The following PSIP1 variants were observed in gnomAD, a reference collection of about 807,000 sequenced individuals.
The protein encoded by PSIP1 is PC4 and SFRS1-interacting protein.
In PSIP1, 19 loss-of-function variants were observed where a neutral mutation model predicts 74.7. That is an observed-to-expected ratio of 0.25 (90% confidence interval 0.18 to 0.37). The LOEUF is 0.37. PSIP1 is among the 10% of genes least tolerant of loss of function. The pLI, the probability that PSIP1 is intolerant of heterozygous loss-of-function variation, is 1.00. For missense variants in PSIP1, 601 were observed against 614.3 expected (o/e 0.98, Z 0.23); for synonymous variants, 222 against 195.3 (o/e 1.14, Z -1.14).
At chr9:15,486,103 A>T in intron 5 of PSIP1, 35 bp from the exon 6 acceptor site, 3 of 1,495,798 alleles carry the variant, frequency 2.0e-6, no homozygotes, top group Non-Finnish European at 2.7e-6. Context: ...ATACTGAATA[A>T]ATTATTCCAG....
intron 14 of PSIP1, 108 bp downstream of exon 14, chr9:15,468,522 T>C (rs1050608165): frequency 1.6e-6 from 2 of 1,250,870 alleles, no homozygotes; most frequent in Non-Finnish European, 2.3e-6. Flanking sequence ...TTGTATACTT[T>C]TTCTGTGGCG....
chr9:15,489,879 T>C, intron 4 of PSIP1, 107 bp downstream of exon 4: 1 of 925,668 alleles, frequency 1.1e-6, no homozygotes, highest in Non-Finnish European at 1.5e-6. Flanking sequence ...CACAACAAAC[T>C]AGTATGAAAT....
At chr9:15,484,699 C>G (rs1300500782) in intron 6 of PSIP1, among the ~76,000 whole-genome samples, 2 of 151,606 alleles carry the variant, frequency 1.3e-5, no homozygotes, top group Non-Finnish European at 2.9e-5. Context: ...TGCACTTCAG[C>G]TGGGGCAACA....
chr9:15,498,584 A>G (rs966538458), intron 3 of PSIP1, among the ~76,000 whole-genome samples: 3 of 152,118 alleles, frequency 2.0e-5, no homozygotes, highest in Non-Finnish European at 4.4e-5. Context: ...GACGGACATC[A>G]CTATACTACT....
chr9:15,465,814 ACT>A lies in PSIP1; in HGVS notation c.1533-236_1533-235del, dbSNP rs1301152139. ...AGTAATATGCAGATGAAGCAAAATA[ACT>A]CAGCAAAGTGTCATGGACCAAGCCC... On this transcript the variant is annotated intron_variant, in intron 15 of 15. Transcript: ENST00000380733. 1.8e-5 allele frequency: 8 copies of A among 450,684 alleles called. No individual in the cohort carries two copies. The Middle Eastern group carries it at 1.7e-3, about 97-fold the overall frequency. The allele number at this position is 450,684 out of a possible 1,614,324, so 27.9% of individuals were successfully genotyped here. A position where few individuals can be genotyped will look rare whatever the true frequency, so the allele number is the denominator to read the frequency against.
chr9:15,469,393 A>T, intron 11 of PSIP1, 57 bp from the exon 12 acceptor site: 1 of 1,075,230 alleles, frequency 9.3e-7, no homozygotes, highest in Non-Finnish European at 1.4e-6. Context: ...CAGTATTTCT[A>T]TATACAGGCT....
At chr9:15,484,620 G>C (rs1288110085) in intron 6 of PSIP1, among the ~76,000 whole-genome samples, 1 of 152,012 alleles carries the variant, frequency 6.6e-6, no homozygotes, top group Admixed American at 6.5e-5. Context: ...CCAGCTAATC[G>C]GGGGGCTGAG....
chr9:15,497,964 C>T (rs1181503553), intron 3 of PSIP1, among the ~76,000 whole-genome samples: 6 of 152,092 alleles, frequency 3.9e-5, no homozygotes, highest in Non-Finnish European at 5.9e-5. Context: ...CTTTTTATGT[C>T]AACAATTACT....
chr9:15,472,537 G>A (rs772563637), intron 10 of PSIP1, 95 bp downstream of exon 10: 4 of 1,482,706 alleles, frequency 2.7e-6, no homozygotes, highest in Admixed American at 5.3e-5. Context: ...TCTTCAAAAG[G>A]CTTCATAAAG....
intron 8 of PSIP1, among the ~76,000 whole-genome samples, chr9:15,477,786 A>G (rs1563874461): frequency 6.6e-6 from 1 of 152,144 alleles, no homozygotes; most frequent in Non-Finnish European, 1.5e-5. Flanking sequence ...TTAAATTTAC[A>G]TACAAAAATT....
chr9:15,478,433 A>G (rs764942636), intron 8 of PSIP1, 44 bp downstream of exon 8: 2 of 1,382,622 alleles, frequency 1.4e-6, no homozygotes, highest in Admixed American at 1.7e-5. Flanking sequence ...TTTAAAGTCA[A>G]ATGTCTCATT....
At chr9:15,509,132 A>G (rs1266412658) in intron 2 of PSIP1, among the ~76,000 whole-genome samples, 1 of 152,236 alleles carries the variant, frequency 6.6e-6, no homozygotes, top group Non-Finnish European at 1.5e-5. Flanking sequence ...TGACATAACT[A>G]AAACTACAGA....
chr9:15,465,100 A>G lies in PSIP1; in HGVS notation c.*420T>C, dbSNP rs2035525844. ...ACTTCTACAAAACCCACAAACAGTG[A>G]AAAGACAGTCTGGTAAATCCAAGGT... On this transcript the variant is annotated 3_prime_UTR_variant, in exon 16 of 16. Transcript: ENST00000380733. 3.0e-5 allele frequency: 7 copies of G among 230,524 alleles called. No individual in the cohort carries two copies. In the Admixed American group the frequency reaches 4.0e-4, roughly 13 times the overall value. The allele number at this position is 230,524 out of a possible 1,614,324, so 14.3% of individuals were successfully genotyped here.
At chr9:15,472,231 A>T in intron 10 of PSIP1, 2 of 990,124 alleles carry the variant, frequency 2.0e-6, no homozygotes, top group Non-Finnish European at 2.4e-6. Context: ...GCTGGTCTTT[A>T]GGGTGAGGCC....
At chr9:15,472,361 T>C in intron 10 of PSIP1, 2 of 1,236,726 alleles carry the variant, frequency 1.6e-6, no homozygotes, top group South Asian at 2.3e-5. Context: ...AGTACACTTC[T>C]TGCAAAGCCA....
At chr9:15,503,599 A>T (rs1333744128) in intron 3 of PSIP1, among the ~76,000 whole-genome samples, 1 of 151,728 alleles carries the variant, frequency 6.6e-6, no homozygotes, top group African/African-American at 2.4e-5. Flanking sequence ...GAGTTCAAGG[A>T]TGCAGTCAAC....
At chr9:15,470,625 T>A in intron 10 of PSIP1, 1 of 952,168 alleles carries the variant, frequency 1.1e-6, no homozygotes, top group Non-Finnish European at 1.3e-6. Context: ...AAAAAATATC[T>A]AAAAATCAGG....
At chr9:15,495,602 CCTT>C (rs1375084922) in intron 3 of PSIP1, among the ~76,000 whole-genome samples, 2 of 152,070 alleles carry the variant, frequency 1.3e-5, no homozygotes, top group South Asian at 4.1e-4. Context: ...ACAGTGCTTG[CCTT>C]CTTCTAGTGA....
intron 6 of PSIP1, among the ~76,000 whole-genome samples, chr9:15,480,099 A>C (rs571726403): frequency 3.0e-4 from 46 of 152,348 alleles, no homozygotes; most frequent in Admixed American, 7.8e-4. Context: ...GTAAGAAAGG[A>C]TTTACTACAA....
Sources: allele counts gnomAD v4.1 joint callset (sites outside exome capture counted in the v4.1 genomes callset), GRCh38; gene constraint gnomAD v4.1.1; transcripts MANE v1.5; gene names NCBI Gene and HGNC (gene_info 2026-07-23, HGNC 2026-07-21).